The following CNBD2 variants were observed in gnomAD, a reference collection of about 807,000 sequenced individuals.
CNBD2 encodes cyclic nucleotide binding domain containing 2.
Under a neutral mutation model 63.7 loss-of-function variants are expected in CNBD2, and 64 were observed. That is an observed-to-expected ratio of 1.00 (90% CI 0.82 to 1.24). CNBD2 has a LOEUF of 1.24. Ranked by LOEUF, CNBD2 falls within the 50% of genes most tolerant of loss-of-function variation. The probability of loss-of-function intolerance (pLI) is 0.00; values close to 1 mark genes in which losing one functional copy is unlikely to be tolerated. For missense variants in CNBD2, 691 were observed against 713.5 expected, an observed-to-expected ratio of 0.97 and a Z score of 0.36; for synonymous variants, 229 against 255.4, an observed-to-expected ratio of 0.90 and a Z score of 0.99.
intron 7 of CNBD2, among the ~76,000 whole-genome samples, chr20:35,993,720 CTA>C (rs928776448): frequency 6.6e-6 from 1 of 151,920 alleles, no homozygotes; most frequent in African/African-American, 2.4e-5. Context: ...GTTTTTATCT[CTA>C]TGTTTTTATG....
At chr20:36,001,929 A>C (rs1251662097) in intron 8 of CNBD2, among the ~76,000 whole-genome samples, 1 of 148,892 alleles carries the variant, frequency 6.7e-6, no homozygotes, top group East Asian at 2.0e-4. Context: ...AGCCAGGCAG[A>C]GGGGCTCCTC....
rs565679154 is a variant in CNBD2, at chr20:36,000,635, C to T, written c.970+5483C>T. ...AGTGCAATGGCACAACCTCGGCTAG[C>T]TGCAACTTCCGCCTCCCAGTTTCAA... is the stretch of plus-strand genomic sequence containing the variant. On this transcript the variant is annotated intron_variant, in intron 8 of 11. Transcript: ENST00000373973. 2.0e-5 allele frequency among the ~76,000 whole-genome samples: 3 copies of T among 152,148 alleles called. No homozygotes were observed. In the South Asian group the frequency reaches 6.2e-4, roughly 32 times the overall value.
chr20:35,983,285 A>G (rs1047603086), intron 4 of CNBD2, among the ~76,000 whole-genome samples: 2 of 152,012 alleles, frequency 1.3e-5, no homozygotes, highest in Admixed American at 6.5e-5. Context: ...TACCTAACAG[A>G]CACCACTGAT....
At chr20:35,992,526 T>C (rs2056760972) in intron 7 of CNBD2, among the ~76,000 whole-genome samples, 1 of 152,286 alleles carries the variant, frequency 6.6e-6, no homozygotes, top group East Asian at 1.9e-4. Flanking sequence ...AATGCAGGGG[T>C]GCTGAGCCTT....
chr20:35,954,485 A>G, upstream of CNBD2: 1 of 1,545,294 alleles, frequency 6.5e-7, no homozygotes, highest in Non-Finnish European at 8.7e-7. Flanking sequence ...CGGAAGCGAA[A>G]GTCTCTGGCT....
At chr20:35,978,445 C>T (rs1020388550) in intron 3 of CNBD2, among the ~76,000 whole-genome samples, 3 of 151,540 alleles carry the variant, frequency 2.0e-5, no homozygotes, top group Non-Finnish European at 2.9e-5. Flanking sequence ...CCCGGGTTCA[C>T]GCCATTCTCT....
At chr20:35,967,288 C>T (rs537933531), upstream of CNBD2, among the ~76,000 whole-genome samples, 9 of 112,210 alleles carry the variant, frequency 8.0e-5, no homozygotes, top group South Asian at 2.3e-3. Flanking sequence ...CTTGCTCTGT[C>T]GTTCAGGCTG....
Position 35,993,155 on chromosome 20 carries a change from G to GA in CNBD2, c.856-1873dup, listed in dbSNP as rs11477479. Among the ~76,000 whole-genome samples, 150 of 147,164 alleles carry GA rather than the reference G, an allele frequency of 1.0e-3. 1 individual carries two copies. The highest frequency in any genetic ancestry group is 3.4e-3 in the Middle Eastern group (1 of 290). ...CAGTTCCCCTATAGCTCAAAAAAAA[G>GA]AAAAAAAAAAGTATGCAGTAAAGAT... On this transcript the variant is annotated intron_variant, in intron 7 of 11. Transcript: ENST00000373973.
At chr20:36,000,024 C>T (rs1226716777) in intron 8 of CNBD2, among the ~76,000 whole-genome samples, 1 of 152,144 alleles carries the variant, frequency 6.6e-6, no homozygotes, top group Non-Finnish European at 1.5e-5. Context: ...TAAGAAAAGA[C>T]TCTTATGTTA....
Position 35,975,525 on chromosome 20 carries a change from C to T in CNBD2, c.190-424C>T, listed in dbSNP as rs560695473. Among the ~76,000 whole-genome samples the T allele has an allele frequency of 5.3e-5, 8 of 150,312 alleles. 1 individual carries two copies. The highest frequency in any genetic ancestry group is 4.7e-4 in the Admixed American group (7 of 15,016). On this transcript the variant is annotated intron_variant, in intron 2 of 11. Coordinates refer to ENST00000373973, the MANE Select transcript of CNBD2 (RefSeq NM_001365709.1). Reference sequence around the variant, plus strand: ...CCTTGTTAGCCAGGATGGTCTCGATCTCCTGACCTCGTGATCCGCCCACCT... The same window carrying T: ...CCTTGTTAGCCAGGATGGTCTCGATTTCCTGACCTCGTGATCCGCCCACCT...
chr20:35,964,970 G>T, upstream of CNBD2, among the ~76,000 whole-genome samples: 1 of 152,014 alleles, frequency 6.6e-6, no homozygotes, highest in African/African-American at 2.4e-5. Context: ...CAAAGTGCTG[G>T]GATTACATAC....
Position 35,972,713 on chromosome 20 carries a change from T to G in CNBD2, c.136T>G (p.Tyr46Asp). Residue 46 changes from tyrosine to aspartate, a missense_variant, in exon 2 of 12, where the codon TAT becomes GAT. Coordinates refer to ENST00000373973, the MANE Select transcript of CNBD2 (RefSeq NM_001365709.1). ...CCAAGGCCTCAGGGGATTCCGGGAA[T>G]ATCAAATCATTGAGACTGCTCACTG... ...FRQGLRGFREYQIIETAHWKH... is the reference protein window; with the variant it reads ...FRQGLRGFREDQIIETAHWKH... 6.2e-7 allele frequency: 1 copy of G among 1,614,114 alleles called. No individual in the cohort carries two copies. The highest frequency in any genetic ancestry group is 8.5e-7 in the Non-Finnish European group (1 of 1,179,978).
chr20:35,986,394 G>A (rs1421683666), intron 6 of CNBD2, among the ~76,000 whole-genome samples: 2 of 152,004 alleles, frequency 1.3e-5, no homozygotes, highest in South Asian at 2.1e-4. Flanking sequence ...GGTTACCAGC[G>A]ATGTGACCCT....
chr20:35,962,540 G>A (rs536725297), intron 2 of CNBD2, among the ~76,000 whole-genome samples: 6 of 152,178 alleles, frequency 3.9e-5, no homozygotes, highest in South Asian at 4.1e-4. Context: ...GATTACAGGC[G>A]TGAGCCACCG....
Position 35,995,093 on chromosome 20 carries a change from G to T in CNBD2, c.911G>T (p.Arg304Ile). Residue 304 changes from arginine (R) to isoleucine (I), a missense_variant, in exon 8 of 12, where the codon AGA (arginine) becomes ATA (isoleucine). Arg to Ile is a moderately conservative substitution (Grantham distance 97). Transcript: ENST00000373973. ...LDLGASPSYRRWIWQHLELID... is the reference protein window; with the variant it reads ...LDLGASPSYRIWIWQHLELID... The stretch of plus-strand genomic sequence containing the variant: ...CTTGGGGCCTCCCCTTCCTACCGTA[G>T]ATGGATCTGGCAGCACCTGGAGCTG... 1 of 1,614,136 alleles carries T rather than the reference G, an allele frequency of 6.2e-7. No individual in the cohort carries two copies. Among genetic ancestry groups the T allele is most frequent in the Non-Finnish European group, 8.5e-7 (1 of 1,180,000 alleles).
chr20:35,994,548 G>A (rs1422295562), intron 7 of CNBD2, among the ~76,000 whole-genome samples: 1 of 148,072 alleles, frequency 6.8e-6, no homozygotes, highest in Non-Finnish European at 1.5e-5. Flanking sequence ...CTTGAACTTC[G>A]TATGGTGAGT....
intron 2 of CNBD2, chr20:35,973,841 T>C (rs1246005243): frequency 6.6e-6 from 1 of 152,170 alleles, no homozygotes; most frequent in Non-Finnish European, 1.5e-5. Flanking sequence ...TCCCCAGAGG[T>C]ATCTTCATTG....
intron 10 of CNBD2, among the ~76,000 whole-genome samples, chr20:36,013,626 TA>T (rs776939431): frequency 2.0e-5 from 3 of 152,216 alleles, no homozygotes; most frequent in Non-Finnish European, 4.4e-5. Context: ...CACTGTGCCC[TA>T]GTGATAAAGC....
chr20:35,965,125 T>A (rs1262128502), upstream of CNBD2, among the ~76,000 whole-genome samples: 1 of 152,164 alleles, frequency 6.6e-6, no homozygotes, highest in South Asian at 2.1e-4. Context: ...TTGTAAGCAT[T>A]TGTTGTATAG....
Sources: allele counts gnomAD v4.1 joint callset (sites outside exome capture counted in the v4.1 genomes callset), GRCh38; gene constraint gnomAD v4.1.1; transcripts MANE v1.5; gene names NCBI Gene and HGNC (gene_info 2026-07-23, HGNC 2026-07-21).